Variants in FAM135B observed in about 807,000 individuals in gnomAD.
FAM135B encodes the protein protein FAM135B.
In FAM135B, 43 loss-of-function variants were observed where a neutral mutation model predicts 127.7. That is an observed-to-expected ratio of 0.34 (90% CI 0.26 to 0.43). The LOEUF is 0.43. Ranked by LOEUF, FAM135B falls within the 20% of genes least tolerant of loss-of-function variation. The pLI is 1.00. For synonymous variants in FAM135B, 670 were observed against 665.1 expected (o/e 1.01, Z -0.11); for missense variants, 1,558 against 1,725.6 (o/e 0.90, Z 1.72).
At chr8:138,143,192 A>T in intron 15 of FAM135B, 83 bp from the exon 16 acceptor site, 1 of 756,200 alleles carries the variant, frequency 1.3e-6, no homozygotes, top group African/African-American at 1.7e-5. Flanking sequence ...CTTCCACTAA[A>T]CACTGTGGCG....
intron 1 of FAM135B, among the ~76,000 whole-genome samples, chr8:138,369,261 A>G (rs565559485): frequency 9.9e-5 from 15 of 152,284 alleles, no homozygotes; most frequent in Admixed American, 9.2e-4. Context: ...AAGGAAGGGA[A>G]CACATGGCTC....
chr8:138,232,475 AC>A (rs1819972938), intron 7 of FAM135B, among the ~76,000 whole-genome samples: 1 of 152,232 alleles, frequency 6.6e-6, no homozygotes. Flanking sequence ...ATGAAAATGA[AC>A]TGTGGAAATA....
intron 9 of FAM135B, among the ~76,000 whole-genome samples, chr8:138,192,740 T>C (rs1307950538): frequency 1.3e-5 from 2 of 152,162 alleles, no homozygotes; most frequent in Non-Finnish European, 2.9e-5. Context: ...GATCCCCAAA[T>C]GCCTGGGGAG....
At chr8:138,447,162 C>T in intron 1 of FAM135B, among the ~76,000 whole-genome samples, 1 of 152,070 alleles carries the variant, frequency 6.6e-6, no homozygotes, top group Non-Finnish European at 1.5e-5. Flanking sequence ...ACAACAGGTG[C>T]TGGAGAGGAT....
chr8:138,144,960 G>A (rs556783487), intron 15 of FAM135B, among the ~76,000 whole-genome samples: 2 of 152,084 alleles, frequency 1.3e-5, no homozygotes, highest in Non-Finnish European at 2.9e-5. Context: ...TCACTTCCCT[G>A]CTCCCTCCTC....
intron 11 of FAM135B, among the ~76,000 whole-genome samples, chr8:138,171,555 C>T (rs945011717): frequency 6.6e-6 from 1 of 152,254 alleles, no homozygotes; most frequent in East Asian, 1.9e-4. Flanking sequence ...GCCTCCCATA[C>T]AGTGAACAGT....
At chr8:138,275,703 A>T (rs1417069345) in intron 3 of FAM135B, among the ~76,000 whole-genome samples, 1 of 152,132 alleles carries the variant, frequency 6.6e-6, no homozygotes, top group Non-Finnish European at 1.5e-5. Context: ...TCTAAAAAAA[A>T]AAGTAAATAA....
chr8:138,344,934 A>G (rs920927142), intron 2 of FAM135B, among the ~76,000 whole-genome samples: 4 of 152,148 alleles, frequency 2.6e-5, no homozygotes, highest in African/African-American at 9.7e-5. Flanking sequence ...TTCAAACTGA[A>G]TGATCCACTT....
intron 3 of FAM135B, among the ~76,000 whole-genome samples, chr8:138,296,273 A>G (rs1825475007): frequency 6.6e-6 from 1 of 152,126 alleles, no homozygotes; most frequent in Admixed American, 6.6e-5. Flanking sequence ...AATTTCACAG[A>G]ATCTCCACCT....
Position 138,243,103 on chromosome 8 carries a change from G to A in FAM135B, c.543-35C>T, listed in dbSNP as rs1190587671. 1.3e-6 allele frequency: 2 copies of A among 1,586,688 alleles called. No homozygotes were observed. Among genetic ancestry groups the A allele is most frequent in the Non-Finnish European group, 8.6e-7 (1 of 1,167,324 alleles). ...AGATAATTGAAAGGGTGAAAAAGGA[G>A]GTAAAGAAAGTGATGGTGCCATTAA... is the stretch of plus-strand genomic sequence containing the variant. On this transcript the variant is annotated intron_variant, in intron 6 of 19. Transcript: ENST00000395297. The surrounding 1 kb of genome is among the most constrained non-coding windows in gnomAD (Gnocchi z 7.5).
At chr8:138,312,238 C>T (rs1000245710) in intron 2 of FAM135B, among the ~76,000 whole-genome samples, 1 of 152,144 alleles carries the variant, frequency 6.6e-6, no homozygotes, top group Non-Finnish European at 1.5e-5. Context: ...AGCCACCATG[C>T]CCGGCCAAAA....
intron 1 of FAM135B, among the ~76,000 whole-genome samples, chr8:138,391,611 G>A (rs577022452): frequency 5.3e-5 from 8 of 152,260 alleles, no homozygotes; most frequent in African/African-American, 1.7e-4. Flanking sequence ...TAGCTGGTGG[G>A]CCATCCACCC....
chr8:138,477,645 C>A (rs1814561777), intron 1 of FAM135B, among the ~76,000 whole-genome samples: 1 of 152,198 alleles, frequency 6.6e-6, no homozygotes, highest in South Asian at 2.1e-4. Context: ...CCTTTTCTCA[C>A]TAAACAGAAT....
chr8:138,153,264 G>A, intron 12 of FAM135B, 48 bp from the exon 13 acceptor site: 1 of 1,394,584 alleles, frequency 7.2e-7, no homozygotes. Context: ...AAGAATCTGT[G>A]TTTACAAGTT....
intron 3 of FAM135B, among the ~76,000 whole-genome samples, chr8:138,285,287 C>T (rs1452263092): frequency 6.6e-6 from 1 of 151,854 alleles, no homozygotes; most frequent in African/African-American, 2.4e-5. Flanking sequence ...GCTGGAATTA[C>T]AGGCACCCAT....
intron 2 of FAM135B, among the ~76,000 whole-genome samples, chr8:138,326,278 T>C (rs1827793445): frequency 6.6e-6 from 1 of 152,100 alleles, no homozygotes; most frequent in African/African-American, 2.4e-5. Context: ...GGAGGTACCA[T>C]TTGCAGGTAA....
chr8:138,197,490 G>C (rs772485404), intron 8 of FAM135B, 26 bp downstream of exon 8: 1 of 1,605,692 alleles, frequency 6.2e-7, no homozygotes, highest in African/African-American at 1.3e-5. Flanking sequence ...TGCTGGGATG[G>C]GCTTGCCCCT....
In FAM135B at chr8:138,148,584, T is replaced by C. The variant is rs1817850444; in HGVS notation, c.3384A>G (p.Pro1128=). ...VLASDIPYFP[P]EEEEENLEDG... Reference sequence around the variant, plus strand: ...CTTCCAAATTTTCTTCCTCTTCCTCTGGTGGGAAATATGGTATATCAGAAG... The same window carrying C: ...CTTCCAAATTTTCTTCCTCTTCCTCCGGTGGGAAATATGGTATATCAGAAG... The change falls in exon 14 of 20, where the codon CCA becomes CCG. Residue 1128 remains proline (P), a synonymous_variant. Transcript: ENST00000395297. 3 of 1,613,754 alleles carry C rather than the reference T, an allele frequency of 1.9e-6. No individual in the cohort carries two copies. Among genetic ancestry groups the C allele is most frequent in the Non-Finnish European group, 2.5e-6 (3 of 1,179,648 alleles).
intron 1 of FAM135B, among the ~76,000 whole-genome samples, chr8:138,482,064 T>C (rs112762975): frequency 6.6e-6 from 1 of 151,852 alleles, no homozygotes; most frequent in Non-Finnish European, 1.5e-5. Flanking sequence ...GGCAGAGGAG[T>C]CCATACCACA....
Sources: gnomAD v4.1 joint callset for allele counts (sites outside exome capture counted in the v4.1 genomes callset) on GRCh38, gnomAD v4.1.1 for gene constraint, Gnocchi (gnomAD v3.1) non-coding constraint, MANE v1.5 for transcripts, NCBI Gene and HGNC (gene_info 2026-07-23, HGNC 2026-07-21) for gene names.